Variants in CABIN1 observed in about 807,000 individuals in gnomAD.
CABIN1 encodes calcineurin-binding protein cabin-1.
CABIN1 carries 133 observed loss-of-function variants against 227.7 expected under a neutral mutation model. The ratio of observed to expected loss-of-function variants is 0.58; its 90% CI spans 0.51 to 0.67. The LOEUF (loss-of-function observed/expected upper bound fraction) is 0.67, where lower values mean the gene tolerates loss of function less well. CABIN1 is among the 30% of genes least tolerant of loss of function. CABIN1 has a pLI of 0.00. For missense variants in CABIN1, 2,408 were observed against 2,852.5 expected, an observed-to-expected ratio of 0.84 and a Z score of 3.55; for synonymous variants, 1,086 against 1,155.1, an observed-to-expected ratio of 0.94 and a Z score of 1.21.
chr22:24,049,199 C>T lies in CABIN1; in HGVS notation c.635C>T (p.Ser212Phe). The T allele has an allele frequency of 1.2e-6, 2 of 1,613,992 alleles. No individual in the cohort carries two copies. The highest frequency in any genetic ancestry group is 1.7e-6 in the Non-Finnish European group (2 of 1,179,972). ...FEEQPCLRKD[S>F]LRMFLKCDMS... ...GAGCAGCCTTGTCTCCGGAAGGACT[C>T]TCTCAGAATGTTCCTCAAATGGTAA... Residue 212 changes from serine to phenylalanine, a missense_variant, in exon 7 of 37, where the codon TCT (serine) becomes TTT (phenylalanine). Coordinates refer to ENST00000263119, the MANE Select transcript of CABIN1 (RefSeq NM_012295.4).
At chr22:24,033,325 T>A (rs1312242754) in intron 1 of CABIN1, among the ~76,000 whole-genome samples, 1 of 152,094 alleles carries the variant, frequency 6.6e-6, no homozygotes, top group African/African-American at 2.4e-5. Context: ...CATTTTAAAT[T>A]TATTTTATTA....
chr22:24,118,866 A>C (rs1201306576), intron 27 of CABIN1, among the ~76,000 whole-genome samples: 1 of 152,230 alleles, frequency 6.6e-6, no homozygotes, highest in African/African-American at 2.4e-5. Flanking sequence ...ATGAGGGCCC[A>C]TGTGGGAGCA....
rs559833652 is a variant in CABIN1, at chr22:24,046,586, T to C, written c.527-2505T>C. On this transcript the variant is annotated intron_variant, in intron 6 of 36. Coordinates refer to ENST00000263119, the MANE Select transcript of CABIN1 (RefSeq NM_012295.4). Reference sequence around the variant, plus strand: ...GTAGAAGAAGTTATGCTTGGTAAACTCAAGTCTTTGTGGGAAGATTTAGGT... The same window carrying C: ...GTAGAAGAAGTTATGCTTGGTAAACCCAAGTCTTTGTGGGAAGATTTAGGT... 7.9e-4 allele frequency among the ~76,000 whole-genome samples: 121 copies of C among 152,306 alleles called. 1 individual carries two copies. Among genetic ancestry groups the C allele is most frequent in the African/African-American group, 2.6e-3 (107 of 41,568 alleles).
At chr22:24,125,217 C>T (rs376829694) in intron 28 of CABIN1, among the ~76,000 whole-genome samples, 3 of 152,204 alleles carry the variant, frequency 2.0e-5, no homozygotes, top group Non-Finnish European at 4.4e-5. Context: ...GAGACAGACT[C>T]CTGCCAGGGG....
At chr22:24,159,955 T>G (rs889766969) in intron 29 of CABIN1, among the ~76,000 whole-genome samples, 3 of 152,176 alleles carry the variant, frequency 2.0e-5, no homozygotes, top group African/African-American at 7.2e-5. Context: ...CATCACTGCA[T>G]TCTCCATGCT....
At chr22:24,045,196 T>C (rs2037763708) in intron 6 of CABIN1, among the ~76,000 whole-genome samples, 1 of 152,232 alleles carries the variant, frequency 6.6e-6, no homozygotes, top group Admixed American at 6.5e-5. Flanking sequence ...AGTGCTGGGC[T>C]TATAGGCGTG....
chr22:24,109,636 G>C (rs1161051754), intron 26 of CABIN1, among the ~76,000 whole-genome samples: 1 of 152,178 alleles, frequency 6.6e-6, no homozygotes, highest in Non-Finnish European at 1.5e-5. Context: ...GCTGAGCAAA[G>C]GGTTGGTGGA....
At chr22:24,048,870 G>A (rs1038379026) in intron 6 of CABIN1, among the ~76,000 whole-genome samples, 5 of 152,152 alleles carry the variant, frequency 3.3e-5, no homozygotes, top group South Asian at 2.1e-4. Context: ...AAGATCCTAC[G>A]GTCTGTCCTC....
chr22:24,098,371 G>A (rs2042019369), intron 26 of CABIN1, 179 bp downstream of exon 26: 13 of 1,363,172 alleles, frequency 9.5e-6, no homozygotes, highest in African/African-American at 1.4e-5. Context: ...TTGTGCTTCC[G>A]AGACATGCTC....
At chr22:24,096,301 T>C (rs544280597) in intron 25 of CABIN1, among the ~76,000 whole-genome samples, 50 of 152,190 alleles carry the variant, frequency 3.3e-4, no homozygotes, top group Non-Finnish European at 6.8e-4. Flanking sequence ...CCTTACCCTG[T>C]GGTCATGTGT....
In CABIN1 at chr22:24,177,440, G is replaced by A. The variant is rs951064177; in HGVS notation, c.6206-64G>A. On this transcript the variant is annotated intron_variant, in intron 35 of 36. Coordinates refer to ENST00000263119, the MANE Select transcript of CABIN1 (RefSeq NM_012295.4). This position sits in a 1 kb window ranked among gnomAD's most constrained non-coding sequence, Gnocchi z 4.4. ...GGACCTGGGGGGAGCGGGTGGGGGC[G>A]AGATAAAGTGCTCACTGTGTGATGC... is the stretch of plus-strand genomic sequence containing the variant. The A allele has an allele frequency of 1.2e-5, 16 of 1,375,686 alleles. No homozygotes were observed. The East Asian group carries it at 1.4e-4, about 12-fold the overall frequency. 85.2% of individuals were successfully genotyped at this position (1,375,686 alleles called of 1,614,324 possible).
intron 28 of CABIN1, among the ~76,000 whole-genome samples, chr22:24,128,273 T>C (rs551544791): frequency 1.4e-5 from 2 of 139,958 alleles, no homozygotes; most frequent in South Asian, 5.3e-4. Context: ...ATTGCATGAC[T>C]TCTAATGCCT....
intron 1 of CABIN1, among the ~76,000 whole-genome samples, chr22:24,022,638 G>A (rs753574895): frequency 1.3e-4 from 20 of 152,192 alleles, no homozygotes; most frequent in Admixed American, 6.5e-5. Flanking sequence ...TCATATGCTA[G>A]TGTATGTTGA....
At chr22:24,136,728 C>T (rs920963631) in intron 29 of CABIN1, among the ~76,000 whole-genome samples, 1 of 144,274 alleles carries the variant, frequency 6.9e-6, no homozygotes, top group African/African-American at 2.7e-5. Context: ...CAATACATCA[C>T]ACACACACAC....
At chr22:24,149,646 G>A (rs1390078833) in intron 29 of CABIN1, among the ~76,000 whole-genome samples, 1 of 152,252 alleles carries the variant, frequency 6.6e-6, no homozygotes, top group Non-Finnish European at 1.5e-5. Flanking sequence ...GGTCAGAGCA[G>A]GTAGAGCCTC....
chr22:24,085,280 G>A, intron 22 of CABIN1, 129 bp downstream of exon 22: 1 of 1,008,470 alleles, frequency 9.9e-7, no homozygotes, highest in Non-Finnish European at 1.5e-6. Context: ...AAAACGGAAT[G>A]AGAGGGTGGT....
In CABIN1 at chr22:24,134,283, C is replaced by T. The variant is rs560863120; in HGVS notation, c.4633-19C>T. The T allele has an allele frequency of 4.4e-6, 7 of 1,603,924 alleles. No homozygotes were observed. The South Asian group carries it at 7.7e-5, about 18-fold the overall frequency. On this transcript the variant is annotated intron_variant, in intron 28 of 36. Coordinates refer to ENST00000263119, the MANE Select transcript of CABIN1 (RefSeq NM_012295.4). ...AGCAGCCCACACACTCACTTTCAAC[C>T]TACTTCTTGTTTCCCCAGAACCTCC... is the stretch of plus-strand genomic sequence containing the variant.
chr22:24,073,591 G>GGC (rs1448272036), intron 18 of CABIN1, among the ~76,000 whole-genome samples: 3 of 152,186 alleles, frequency 2.0e-5, no homozygotes, highest in Non-Finnish European at 4.4e-5. Context: ...GCCTTGACAG[G>GGC]TTTGTGATAG....
At chr22:24,073,124 G>T (rs916263779) in intron 18 of CABIN1, among the ~76,000 whole-genome samples, 2 of 152,218 alleles carry the variant, frequency 1.3e-5, no homozygotes, top group African/African-American at 2.4e-5. Flanking sequence ...ACCCTTAATG[G>T]AGATGGCAAT....
Sources: allele counts gnomAD v4.1 joint callset (sites outside exome capture counted in the v4.1 genomes callset), GRCh38; gene constraint gnomAD v4.1.1; non-coding constraint Gnocchi (gnomAD v3.1); transcripts MANE v1.5; gene names NCBI Gene and HGNC (gene_info 2026-07-23, HGNC 2026-07-21).